SRGAP1: variants seen among roughly 807,000 people sequenced by gnomAD.
SRGAP1 encodes the protein SLIT-ROBO Rho GTPase activating protein 1.
Under a neutral mutation model 121.9 loss-of-function variants are expected in SRGAP1, and 43 were observed. That is an observed-to-expected ratio of 0.35 (90% CI 0.28 to 0.46). SRGAP1 has a LOEUF of 0.46. SRGAP1 is among the 20% of genes least tolerant of loss of function. The pLI, the probability that SRGAP1 is intolerant of heterozygous loss-of-function variation, is 1.00. For synonymous variants in SRGAP1, 447 were observed against 485.4 expected (o/e 0.92, Z 1.04); for missense variants, 1,102 against 1,350.9 (o/e 0.82, Z 2.89).
intron 2 of SRGAP1, among the ~76,000 whole-genome samples, chr12:63,986,538 C>T (rs2033420593): frequency 6.6e-6 from 1 of 152,018 alleles, no homozygotes. Context: ...ATTCTTCTGC[C>T]TCAGTCTCCC....
intron 1 of SRGAP1, among the ~76,000 whole-genome samples, chr12:63,936,394 T>C (rs533835433): frequency 3.3e-5 from 5 of 152,312 alleles, no homozygotes; most frequent in African/African-American, 1.2e-4. Context: ...GATAGTTCCT[T>C]TCCAGTTATC....
chr12:64,014,379 T>TAA (rs2034342827), intron 3 of SRGAP1, among the ~76,000 whole-genome samples: 1 of 152,194 alleles, frequency 6.6e-6, no homozygotes, highest in South Asian at 2.1e-4. Flanking sequence ...CCTTATTATC[T>TAA]AAAGTCTTAG....
chr12:64,084,838 T>G (rs1007596325), intron 10 of SRGAP1, among the ~76,000 whole-genome samples: 1 of 152,106 alleles, frequency 6.6e-6, no homozygotes, highest in Non-Finnish European at 1.5e-5. Flanking sequence ...TTGAATCACT[T>G]GAAAGTGATT....
intron 1 of SRGAP1, among the ~76,000 whole-genome samples, chr12:63,851,119 G>A (rs1251672899): frequency 6.6e-6 from 1 of 152,182 alleles, no homozygotes; most frequent in Non-Finnish European, 1.5e-5. Flanking sequence ...TTGTGCCACT[G>A]CACTCCAGCC....
chr12:64,086,888 AAGTT>A, intron 10 of SRGAP1, 107 bp from the exon 11 acceptor site: 1 of 746,816 alleles, frequency 1.3e-6, no homozygotes, highest in Non-Finnish European at 2.3e-6. Context: ...AAAAACGTGT[AAGTT>A]ATTACAAACT....
At chr12:64,019,942 C>G (rs145533084) in intron 4 of SRGAP1, among the ~76,000 whole-genome samples, 294 of 152,304 alleles carry the variant, frequency 1.9e-3, no homozygotes, top group African/African-American at 6.7e-3. Flanking sequence ...GGCAAATATT[C>G]ACTCCTCACT....
At position 64,146,386 on chromosome 12, in the gene SRGAP1, AAG is replaced by A. The variant is rs1491385857; in HGVS notation, c.*3715_*3716del. ...TTGCTATCCCCCCCGCGACCAAAAA[AAG>A]GGGGGGTTTATAATTTAAAGAAAAG... On this transcript the variant is annotated 3_prime_UTR_variant, in exon 22 of 22. Coordinates refer to ENST00000355086, the MANE Select transcript of SRGAP1 (RefSeq NM_020762.4). 1 of 152,152 alleles carries A rather than the reference AAG, an allele frequency of 6.6e-6. No homozygotes were observed. Among genetic ancestry groups the A allele is most frequent in the Non-Finnish European group, 1.5e-5 (1 of 68,028 alleles). The allele number at this position is 152,152 out of a possible 1,614,324, so 9.4% of individuals were successfully genotyped here. A position where few individuals can be genotyped will look rare whatever the true frequency, so the allele number is the denominator to read the frequency against.
intron 11 of SRGAP1, among the ~76,000 whole-genome samples, chr12:64,090,056 G>A (rs908524056): frequency 3.3e-5 from 5 of 152,156 alleles, no homozygotes; most frequent in African/African-American, 1.2e-4. Flanking sequence ...TATAAGTCTT[G>A]CAGTTAAAAA....
At chr12:63,928,296 C>T (rs567565686) in intron 1 of SRGAP1, among the ~76,000 whole-genome samples, 171 of 152,136 alleles carry the variant, frequency 1.1e-3, no homozygotes, top group Middle Eastern at 3.4e-3. Context: ...ATATACCTAC[C>T]CTATGATCCA....
At chr12:64,016,926 T>C in intron 3 of SRGAP1, 24 bp from the exon 4 acceptor site, 1 of 1,324,622 alleles carries the variant, frequency 7.5e-7, no homozygotes, top group Non-Finnish European at 1.1e-6. Context: ...TTTTAAAATA[T>C]TCTTTTTTAT....
intron 1 of SRGAP1, among the ~76,000 whole-genome samples, chr12:63,864,773 A>G (rs779770157): frequency 6.6e-6 from 1 of 152,216 alleles, no homozygotes; most frequent in Non-Finnish European, 1.5e-5. Flanking sequence ...TATGCTGTAT[A>G]GATAGGATCC....
At chr12:63,891,653 A>G (rs1900583760) in intron 1 of SRGAP1, among the ~76,000 whole-genome samples, 1 of 152,122 alleles carries the variant, frequency 6.6e-6, no homozygotes, top group African/African-American at 2.4e-5. Flanking sequence ...TATATTCAGT[A>G]AAAATACTGA....
At chr12:64,093,777 T>C (rs1039362067) in intron 12 of SRGAP1, among the ~76,000 whole-genome samples, 1 of 152,164 alleles carries the variant, frequency 6.6e-6, no homozygotes, top group African/African-American at 2.4e-5. Flanking sequence ...TCTCCAGAAG[T>C]AATTGAGCCA....
At chr12:63,849,947 G>C (rs1028302960) in intron 1 of SRGAP1, among the ~76,000 whole-genome samples, 2 of 152,154 alleles carry the variant, frequency 1.3e-5, no homozygotes, top group Non-Finnish European at 2.9e-5. Context: ...TTCATTGAAG[G>C]AGTCATTGTT....
chr12:64,064,428 A>G (rs1217506116), intron 7 of SRGAP1, among the ~76,000 whole-genome samples: 1 of 152,192 alleles, frequency 6.6e-6, no homozygotes, highest in Non-Finnish European at 1.5e-5. Context: ...AAGATAAGTG[A>G]CTTCTTGAAG....
At chr12:63,871,798 A>G in intron 1 of SRGAP1, 1 of 1,321,628 alleles carries the variant, frequency 7.6e-7, no homozygotes, top group Non-Finnish European at 1.1e-6. Context: ...AAATGCTTGC[A>G]TCTGTTAATG....
intron 1 of SRGAP1, among the ~76,000 whole-genome samples, chr12:63,949,312 T>C (rs187699803): frequency 2.7e-4 from 39 of 143,172 alleles, no homozygotes; most frequent in African/African-American, 9.3e-4. Flanking sequence ...AATTATATGA[T>C]AGCTGCTTAG....
chr12:63,948,624 A>T (rs760608189), intron 1 of SRGAP1, among the ~76,000 whole-genome samples: 1 of 151,910 alleles, frequency 6.6e-6, no homozygotes, highest in African/African-American at 2.4e-5. Context: ...GTGCCCAAGG[A>T]TACTAGCCAT....
At chr12:64,127,830 C>T in intron 20 of SRGAP1, 31 bp from the exon 21 acceptor site, 2 of 1,599,850 alleles carry the variant, frequency 1.3e-6, no homozygotes, top group Non-Finnish European at 1.7e-6. Context: ...ATAAGCTCTT[C>T]TGTTTTCTCC....
Sources: allele counts gnomAD v4.1 joint callset (sites outside exome capture counted in the v4.1 genomes callset), GRCh38; gene constraint gnomAD v4.1.1; transcripts MANE v1.5; gene names NCBI Gene and HGNC (gene_info 2026-07-23, HGNC 2026-07-21).